The following CCDC146 variants were observed in gnomAD, a reference collection of about 807,000 sequenced individuals.
The protein encoded by CCDC146 is coiled-coil domain containing 146.
CCDC146 carries 92 observed loss-of-function variants against 119.3 expected under a neutral mutation model. The observed-to-expected ratio is 0.77, with a 90% CI of 0.65 to 0.92. The LOEUF (loss-of-function observed/expected upper bound fraction) is 0.92, where lower values mean the gene tolerates loss of function less well. CCDC146 is among the 40% of genes least tolerant of loss of function. CCDC146 has a pLI of 0.00. For synonymous variants in CCDC146, 372 were observed against 371.8 expected, an observed-to-expected ratio of 1.00 and a Z score of -0.01; for missense variants, 1,000 against 1,103.0, an observed-to-expected ratio of 0.91 and a Z score of 1.32.
chr7:77,123,403 G>GGT (rs557580080), intron 1 of CCDC146, among the ~76,000 whole-genome samples: 7,265 of 125,132 alleles, frequency 0.058, 184 homozygotes, highest in Middle Eastern at 0.1. Context: ...GACCCTATAA[G>GGT]GTGTGTGTGT....
intron 4 of CCDC146, among the ~76,000 whole-genome samples, chr7:77,249,303 C>G (rs1793012955): frequency 6.6e-6 from 1 of 152,100 alleles, no homozygotes; most frequent in South Asian, 2.1e-4. Flanking sequence ...TCCTGGCCAA[C>G]ATGGTGAAAC....
At chr7:77,245,446 G>A (rs572988102) in intron 4 of CCDC146, among the ~76,000 whole-genome samples, 84 of 152,254 alleles carry the variant, frequency 5.5e-4, no homozygotes, top group Middle Eastern at 6.8e-3. Context: ...CAGCAAATAC[G>A]TTGCGTCTTT....
rs1793243857 is a variant in CCDC146 at position 77,259,329 on chromosome 7, C to T, written c.758+261C>T. On this transcript the variant is annotated intron_variant, in intron 7 of 18. Transcript: ENST00000285871. ...TAAATCATATTTTTATGGAGAAGTT[C>T]AATTGACTTTAACAGAGCGGTGCAT... is the stretch of plus-strand genomic sequence containing the variant. 11 of 364,944 alleles carry T rather than the reference C, an allele frequency of 3.0e-5. No homozygotes were observed. The South Asian group carries it at 3.4e-4, about 11-fold the overall frequency. The allele number at this position is 364,944 out of a possible 1,614,324, so 22.6% of individuals were successfully genotyped here.
At chr7:77,224,400 C>T (rs1479965566) in intron 2 of CCDC146, among the ~76,000 whole-genome samples, 1 of 152,212 alleles carries the variant, frequency 6.6e-6, no homozygotes, top group East Asian at 1.9e-4. Flanking sequence ...CATTTCATGT[C>T]TCAAATCTAG....
chr7:77,200,897 A>G (rs1791974993), intron 2 of CCDC146, among the ~76,000 whole-genome samples: 1 of 152,210 alleles, frequency 6.6e-6, no homozygotes, highest in African/African-American at 2.4e-5. Context: ...TTTTGCTTTA[A>G]AAATAATTTC....
chr7:77,143,170 G>C (rs1437034764), intron 1 of CCDC146, among the ~76,000 whole-genome samples: 1 of 151,862 alleles, frequency 6.6e-6, no homozygotes, highest in Non-Finnish European at 1.5e-5. Context: ...GGCCAGTGAT[G>C]AAGAGCATTT....
chr7:77,244,795 A>G (rs1584106779), intron 4 of CCDC146, among the ~76,000 whole-genome samples: 1 of 49,914 alleles, frequency 2.0e-5, no homozygotes, highest in Non-Finnish European at 3.6e-5. Context: ...ACACCCTCCC[A>G]CTGACCTCCT....
At chr7:77,290,221 C>T (rs889322727) in intron 17 of CCDC146, among the ~76,000 whole-genome samples, 6 of 131,688 alleles carry the variant, frequency 4.6e-5, no homozygotes, top group Non-Finnish European at 9.4e-5. Flanking sequence ...AAGGGGAACA[C>T]CGGGGCCTGT....
At chr7:77,258,227 C>G (rs1479661997) in intron 6 of CCDC146, 1 of 152,244 alleles carries the variant, frequency 6.6e-6, no homozygotes, top group East Asian at 1.9e-4. Flanking sequence ...CAGCTTGCTC[C>G]CCTCCTCCCT....
intron 1 of CCDC146, among the ~76,000 whole-genome samples, chr7:77,137,452 C>A (rs1045211101): frequency 6.9e-6 from 1 of 144,516 alleles, no homozygotes; most frequent in African/African-American, 2.6e-5. Context: ...CACTTTCCTA[C>A]GCAGCAGCAA....
At position 77,278,836 on chromosome 7, in the gene CCDC146, C is replaced by T. The variant is rs144226591; in HGVS notation, c.1525C>T (p.Arg509Trp). Residue 509 changes from arginine to tryptophan, a missense_variant, in exon 12 of 19, where the codon CGG becomes TGG. This residue lies in a region of CCDC146 where 985 missense variants were observed against 1,045.3 expected (regional missense o/e 0.94). Transcript: ENST00000285871. Reference sequence around the variant, plus strand: ...CAAGAAGAAAAAATGTGAAATTTATCGGAGGTAAAGTAATTATGTGGTGTT... The same window carrying T: ...CAAGAAGAAAAAATGTGAAATTTATTGGAGGTAAAGTAATTATGTGGTGTT... ...IHKKKKCEIY[R>W]RLREFAKLYD... The T allele has an allele frequency of 6.1e-4, 989 of 1,609,108 alleles. 1 individual carries two copies. The highest frequency in any genetic ancestry group is 8.8e-4 in the South Asian group (80 of 90,746).
chr7:77,176,005 A>G (rs955313892), intron 2 of CCDC146, among the ~76,000 whole-genome samples: 5 of 151,230 alleles, frequency 3.3e-5, no homozygotes, highest in South Asian at 2.1e-4. Flanking sequence ...CTGTGGGATG[A>G]GATGGTCTAG....
intron 2 of CCDC146, among the ~76,000 whole-genome samples, chr7:77,215,765 A>C (rs1438572388): frequency 8.6e-6 from 1 of 115,952 alleles, no homozygotes; most frequent in African/African-American, 3.8e-5. Flanking sequence ...GAATAACACT[A>C]CTACCAACAA....
intron 2 of CCDC146, among the ~76,000 whole-genome samples, chr7:77,173,097 G>A (rs1168292157): frequency 6.6e-6 from 1 of 152,140 alleles, no homozygotes; most frequent in Non-Finnish European, 1.5e-5. Context: ...GGGGTTGGGG[G>A]CCGAGGGGAG....
chr7:77,278,407 T>C (rs1793692623), intron 11 of CCDC146, among the ~76,000 whole-genome samples: 1 of 151,890 alleles, frequency 6.6e-6, no homozygotes, highest in Non-Finnish European at 1.5e-5. Flanking sequence ...TTCACCCTGA[T>C]CTGTACAACC....
At chr7:77,208,655 T>C (rs1429800661) in intron 2 of CCDC146, among the ~76,000 whole-genome samples, 7 of 152,212 alleles carry the variant, frequency 4.6e-5, no homozygotes, top group African/African-American at 1.7e-4. Flanking sequence ...TCATTCTGTT[T>C]CTCTTTGTCT....
intron 18 of CCDC146, 141 bp from the exon 19 acceptor site, chr7:77,294,522 C>T: frequency 1.6e-6 from 1 of 635,044 alleles, no homozygotes; most frequent in Non-Finnish European, 2.8e-6. Flanking sequence ...ATTCTACCCT[C>T]CTACCCCTCC....
At chr7:77,237,085 TG>T (rs776950962) in intron 3 of CCDC146, 56 bp downstream of exon 3, 5 of 1,365,872 alleles carry the variant, frequency 3.7e-6, no homozygotes. Context: ...TTCTTACTGG[TG>T]ATGAGACCTG....
chr7:77,286,731 G>A, intron 15 of CCDC146, 67 bp from the exon 16 acceptor site: 2 of 1,538,174 alleles, frequency 1.3e-6, no homozygotes, highest in Non-Finnish European at 1.8e-6. Flanking sequence ...AAGACCCTAG[G>A]CAATGTGATT....
Sources: gnomAD v4.1 joint callset for allele counts (sites outside exome capture counted in the v4.1 genomes callset) on GRCh38, gnomAD v4.1.1 for gene constraint, gnomAD v4.1.1 regional missense constraint, MANE v1.5 for transcripts, NCBI Gene and HGNC (gene_info 2026-07-23, HGNC 2026-07-21) for gene names.